The following CDK14 variants were observed in gnomAD, a reference collection of about 807,000 sequenced individuals.
CDK14 encodes the protein cyclin dependent kinase 14.
In CDK14, 34 loss-of-function variants were observed where a neutral mutation model predicts 60.7. The observed-to-expected ratio is 0.56, with a 90% CI of 0.43 to 0.75. The LOEUF is 0.75. Ranked by LOEUF, CDK14 falls within the 30% of genes least tolerant of loss-of-function variation. The pLI is 0.00. For missense variants in CDK14, 482 were observed against 564.1 expected (o/e 0.85, Z 1.47); for synonymous variants, 197 against 203.7 (o/e 0.97, Z 0.28).
chr7:90,651,741 T>C lies in CDK14; in HGVS notation c.123+47492T>C, dbSNP rs78175452. ...TCTGGTCCTTTGTTCAAATGTTTAG[T>C]GATTTTTTTTTTCATTTTTTTAATG... On this transcript the variant is annotated intron_variant, in intron 2 of 14. Coordinates refer to ENST00000380050, the MANE Select transcript of CDK14 (RefSeq NM_001287135.2). 8.0e-3 allele frequency among the ~76,000 whole-genome samples: 1,209 copies of C among 152,024 alleles called. 22 individuals carry two copies. Among genetic ancestry groups the C allele is most frequent in the African/African-American group, 0.025 (1,046 of 41,422 alleles).
intron 2 of CDK14, among the ~76,000 whole-genome samples, chr7:90,667,694 T>C (rs1014704095): frequency 1.3e-5 from 2 of 151,982 alleles, no homozygotes; most frequent in African/African-American, 2.4e-5. Context: ...CTCAACCTCC[T>C]GAGTAGCTGG....
chr7:91,026,265 G>A (rs1421157615), intron 10 of CDK14, among the ~76,000 whole-genome samples: 1 of 152,176 alleles, frequency 6.6e-6, no homozygotes, highest in Non-Finnish European at 1.5e-5. Context: ...TGAGAGATCA[G>A]AGGAAGAGCA....
intron 10 of CDK14, among the ~76,000 whole-genome samples, chr7:91,015,673 AC>A (rs1554404610): frequency 6.6e-6 from 1 of 150,882 alleles, no homozygotes; most frequent in Non-Finnish European, 1.5e-5. Context: ...GACTACAGGC[AC>A]CCGCCACCAT....
chr7:90,984,032 A>T, intron 9 of CDK14, 116 bp from the exon 10 acceptor site: 1 of 707,528 alleles, frequency 1.4e-6, no homozygotes, highest in South Asian at 1.6e-5. Flanking sequence ...GAGGGGAAAA[A>T]GGAAACAGTT....
intron 2 of CDK14, among the ~76,000 whole-genome samples, chr7:90,651,269 G>T (rs1223376675): frequency 6.6e-6 from 1 of 151,988 alleles, no homozygotes; most frequent in African/African-American, 2.4e-5. Context: ...GTTTCTTTAG[G>T]AACTCACTGT....
At chr7:90,672,406 A>G (rs1014040997) in intron 2 of CDK14, among the ~76,000 whole-genome samples, 1 of 151,662 alleles carries the variant, frequency 6.6e-6, no homozygotes, top group Non-Finnish European at 1.5e-5. Flanking sequence ...ATGGAGTCAT[A>G]CAATTACAAT....
At chr7:90,953,951 A>T (rs1427402393) in intron 8 of CDK14, among the ~76,000 whole-genome samples, 7 of 152,184 alleles carry the variant, frequency 4.6e-5, no homozygotes, top group African/African-American at 1.7e-4. Flanking sequence ...GTAGGATAAA[A>T]CCTTGCAGAG....
At chr7:90,791,932 T>G (rs2116970946) in intron 5 of CDK14, among the ~76,000 whole-genome samples, 1 of 150,730 alleles carries the variant, frequency 6.6e-6, no homozygotes, top group South Asian at 2.1e-4. Context: ...GGACAGAATC[T>G]TGCTCTGTCA....
intron 13 of CDK14, among the ~76,000 whole-genome samples, chr7:91,114,881 G>C (rs1232632863): frequency 2.0e-5 from 3 of 152,166 alleles, no homozygotes; most frequent in African/African-American, 7.2e-5. Context: ...AGACTTTGGA[G>C]ACTTAGGGAA....
intron 3 of CDK14, among the ~76,000 whole-genome samples, chr7:90,743,333 A>G (rs111476725): frequency 3.9e-5 from 6 of 152,140 alleles, no homozygotes; most frequent in South Asian, 2.1e-4. Context: ...ATAGAGTACA[A>G]TGTTGTTAAT....
intron 2 of CDK14, among the ~76,000 whole-genome samples, chr7:90,675,555 A>T (rs1362025733): frequency 1.3e-5 from 2 of 152,212 alleles, no homozygotes; most frequent in Non-Finnish European, 2.9e-5. Context: ...ATAACCAGCC[A>T]ACTCTATAAG....
chr7:90,925,416 C>A (rs1793386902), intron 8 of CDK14, among the ~76,000 whole-genome samples: 2 of 152,172 alleles, frequency 1.3e-5, no homozygotes, highest in Admixed American at 1.3e-4. Flanking sequence ...AATGGAATAA[C>A]TGAGGCATAA....
intron 14 of CDK14, among the ~76,000 whole-genome samples, chr7:91,185,063 G>T (rs1019982227): frequency 6.7e-6 from 1 of 149,806 alleles, no homozygotes; most frequent in Non-Finnish European, 1.5e-5. Context: ...AAGGATTCTG[G>T]CAACAAGTGT....
At chr7:91,030,661 G>A (rs777785204) in intron 10 of CDK14, among the ~76,000 whole-genome samples, 5 of 152,194 alleles carry the variant, frequency 3.3e-5, no homozygotes, top group African/African-American at 9.7e-5. Context: ...GGCACCCTGC[G>A]GCTGCCTCCT....
intron 5 of CDK14, among the ~76,000 whole-genome samples, chr7:90,859,244 A>G (rs73401831): frequency 0.03 from 4,622 of 152,242 alleles, 230 homozygotes; most frequent in African/African-American, 0.1. Flanking sequence ...TGACCAATAT[A>G]TGTTTATAAA....
At chr7:90,615,173 G>A (rs11563829) in intron 2 of CDK14, among the ~76,000 whole-genome samples, 29,773 of 152,012 alleles carry the variant, frequency 0.2, 3,117 homozygotes, top group Middle Eastern at 0.29. Context: ...GTTATAATAC[G>A]ATAGAAAAAA....
At chr7:91,000,252 T>C (rs1316912519) in intron 10 of CDK14, among the ~76,000 whole-genome samples, 2 of 152,240 alleles carry the variant, frequency 1.3e-5, no homozygotes, top group Admixed American at 6.5e-5. Context: ...GCCTATAATT[T>C]GTGTTTAGTG....
chr7:90,728,694 G>C (rs1012801261), intron 3 of CDK14, among the ~76,000 whole-genome samples: 3 of 151,958 alleles, frequency 2.0e-5, no homozygotes, highest in Non-Finnish European at 4.4e-5. Context: ...CTTACCTGTT[G>C]AGATTTTTGG....
At chr7:90,924,750 A>G (rs1793362098) in intron 8 of CDK14, among the ~76,000 whole-genome samples, 1 of 152,052 alleles carries the variant, frequency 6.6e-6, no homozygotes, top group Non-Finnish European at 1.5e-5. Flanking sequence ...TCACTTTAAT[A>G]CCACCAGTTC....
Sources: gnomAD v4.1 joint callset for allele counts (sites outside exome capture counted in the v4.1 genomes callset) on GRCh38, gnomAD v4.1.1 for gene constraint, MANE v1.5 for transcripts, NCBI Gene and HGNC (gene_info 2026-07-23, HGNC 2026-07-21) for gene names.